TLN2: variants seen among roughly 807,000 people sequenced by gnomAD.
TLN2 encodes the protein talin 2.
A neutral mutation model predicts 294.7 loss-of-function variants in TLN2; 118 were observed. That is an observed-to-expected ratio of 0.40 (90% CI 0.34 to 0.47). TLN2 has a LOEUF of 0.47. TLN2 is among the 20% of genes least tolerant of loss of function. The pLI is 0.84. For synonymous variants in TLN2, 1,431 were observed against 1,304.5 expected, an observed-to-expected ratio of 1.10 and a Z score of -2.09; for missense variants, 3,083 against 3,282.2, an observed-to-expected ratio of 0.94 and a Z score of 1.48.
intron 6 of TLN2, 67 bp from the exon 7 acceptor site, chr15:62,653,095 C>T (rs1596506242): frequency 7.4e-7 from 1 of 1,347,404 alleles, no homozygotes; most frequent in Non-Finnish European, 1.0e-6. Flanking sequence ...ATATCACAGG[C>T]CTTAGGCTGG....
intron 32 of TLN2, among the ~76,000 whole-genome samples, chr15:62,742,007 C>T (rs201926756): frequency 6.9e-6 from 1 of 145,770 alleles, no homozygotes; most frequent in Non-Finnish European, 1.5e-5. Flanking sequence ...TCCTTCCTCC[C>T]TCTTGGCTTG....
chr15:62,825,490 G>A (rs948851011), intron 54 of TLN2, among the ~76,000 whole-genome samples: 1 of 151,172 alleles, frequency 6.6e-6, no homozygotes, highest in Non-Finnish European at 1.5e-5. Context: ...AGCATTTTCT[G>A]TATGGCTGCA....
intron 1 of TLN2, among the ~76,000 whole-genome samples, chr15:62,545,772 G>A (rs985239366): frequency 7.2e-5 from 11 of 152,206 alleles, no homozygotes; most frequent in Non-Finnish European, 1.2e-4. Context: ...TGGCTGAGGT[G>A]TAGTGGCAGG....
intron 1 of TLN2, among the ~76,000 whole-genome samples, chr15:62,435,815 T>A (rs1424387318): frequency 6.6e-6 from 1 of 152,242 alleles, no homozygotes; most frequent in Non-Finnish European, 1.5e-5. Context: ...ATGCTAGGAT[T>A]ACAGGCGTGA....
intron 14 of TLN2, 48 bp from the exon 15 acceptor site, chr15:62,697,640 T>G (rs745993376): frequency 6.4e-7 from 1 of 1,552,276 alleles, no homozygotes; most frequent in Non-Finnish European, 8.7e-7. Context: ...CTCATTGCAC[T>G]CCACATGGCT....
chr15:62,756,606 T>C (rs975096147), intron 37 of TLN2, among the ~76,000 whole-genome samples: 2 of 152,196 alleles, frequency 1.3e-5, no homozygotes, highest in African/African-American at 2.4e-5. Flanking sequence ...GTTAACACTT[T>C]TTAGTTAAGG....
At chr15:62,413,705 G>A (rs2033912573) in intron 1 of TLN2, among the ~76,000 whole-genome samples, 1 of 152,152 alleles carries the variant, frequency 6.6e-6, no homozygotes, top group Admixed American at 6.5e-5. Flanking sequence ...ACTTTACAGC[G>A]ATTCTTGTAG....
chr15:62,478,066 C>A (rs771212810), intron 1 of TLN2, among the ~76,000 whole-genome samples: 1 of 152,186 alleles, frequency 6.6e-6, no homozygotes, highest in Non-Finnish European at 1.5e-5. Context: ...CGGAGTACTT[C>A]CAGTGTCCTA....
chr15:62,750,556 C>G (rs113702811), intron 34 of TLN2, 65 bp downstream of exon 34: 2 of 1,407,642 alleles, frequency 1.4e-6, no homozygotes, highest in Non-Finnish European at 2.0e-6. Context: ...GAAGTTTAGA[C>G]GTGCCTTCTG....
intron 54 of TLN2, 93 bp from the exon 55 acceptor site, chr15:62,833,411 T>G (rs1596187766): frequency 3.9e-6 from 6 of 1,526,350 alleles, no homozygotes. Flanking sequence ...AATAGGCAGG[T>G]GAAGAGCCAG....
chr15:62,456,514 A>G (rs1304232489), intron 1 of TLN2, among the ~76,000 whole-genome samples: 1 of 152,206 alleles, frequency 6.6e-6, no homozygotes, highest in Non-Finnish European at 1.5e-5. Context: ...AGTGCCTGAA[A>G]ACCCTGAAAT....
chr15:62,457,698 T>C (rs1204940478), intron 1 of TLN2, among the ~76,000 whole-genome samples: 1 of 152,126 alleles, frequency 6.6e-6, no homozygotes, highest in African/African-American at 2.4e-5. Context: ...GCAGAGGGAC[T>C]TGACAAAGGG....
intron 13 of TLN2, among the ~76,000 whole-genome samples, chr15:62,693,331 CAAAA>C (rs936130189): frequency 8.0e-5 from 12 of 149,572 alleles, no homozygotes; most frequent in African/African-American, 2.2e-4. Flanking sequence ...GATTCCATCT[CAAAA>C]AAAAACAACA....
chr15:62,515,416 C>A (rs998140943), intron 1 of TLN2, among the ~76,000 whole-genome samples: 22 of 152,294 alleles, frequency 1.4e-4, no homozygotes, highest in Admixed American at 1.3e-4. Context: ...TCCAAAGAGC[C>A]AGCAAGTTGT....
intron 1 of TLN2, among the ~76,000 whole-genome samples, chr15:62,443,304 G>T (rs1371922922): frequency 6.6e-6 from 1 of 152,140 alleles, no homozygotes; most frequent in Non-Finnish European, 1.5e-5. Flanking sequence ...GCAGTGTTTG[G>T]TTTTTGTGCC....
intron 2 of TLN2, among the ~76,000 whole-genome samples, chr15:62,590,704 G>A (rs751665921): frequency 6.6e-6 from 1 of 152,088 alleles, no homozygotes; most frequent in African/African-American, 2.4e-5. Flanking sequence ...GGTTGTCCTG[G>A]GGGGGTTGTG....
chr15:62,722,748 C>G (rs1464058901), intron 26 of TLN2, among the ~76,000 whole-genome samples: 1 of 152,178 alleles, frequency 6.6e-6, no homozygotes, highest in Non-Finnish European at 1.5e-5. Context: ...CCTCCTCTTT[C>G]CATATCCTGG....
At chr15:62,825,519 C>T (rs1306004196) in intron 54 of TLN2, among the ~76,000 whole-genome samples, 1 of 150,228 alleles carries the variant, frequency 6.7e-6, no homozygotes, top group East Asian at 2.0e-4. Flanking sequence ...TTGAGTGGCA[C>T]TCATTGGTTC....
chr15:62,444,365 TGTAAGAA>T (rs2035708809), intron 1 of TLN2, among the ~76,000 whole-genome samples: 1 of 152,276 alleles, frequency 6.6e-6, no homozygotes, highest in South Asian at 2.1e-4. Flanking sequence ...TTGAATCTTA[TGTAAGAA>T]GTAAGTTCCA....
Sources: gnomAD v4.1 joint callset for allele counts (sites outside exome capture counted in the v4.1 genomes callset) on GRCh38, gnomAD v4.1.1 for gene constraint, MANE v1.5 for transcripts, NCBI Gene and HGNC (gene_info 2026-07-23, HGNC 2026-07-21) for gene names.